The following SYT1 variants were observed in gnomAD, a reference collection of about 807,000 sequenced individuals.
SYT1 encodes the protein synaptotagmin 1.
A neutral mutation model predicts 44.8 loss-of-function variants in SYT1; 8 were observed. The observed-to-expected ratio is 0.18, with a 90% CI of 0.10 to 0.32. The LOEUF (loss-of-function observed/expected upper bound fraction) is 0.32, where lower values mean the gene tolerates loss of function less well. Ranked by LOEUF, SYT1 falls within the 10% of genes least tolerant of loss-of-function variation. The probability of loss-of-function intolerance (pLI) is 1.00; values close to 1 mark genes in which losing one functional copy is unlikely to be tolerated. For missense variants in SYT1, 286 were observed against 509.3 expected, an observed-to-expected ratio of 0.56 and a Z score of 4.22; for synonymous variants, 154 against 188.8, an observed-to-expected ratio of 0.82 and a Z score of 1.51.
chr12:78,943,548 G>T (rs1441944396), intron 1 of SYT1, among the ~76,000 whole-genome samples: 1 of 152,084 alleles, frequency 6.6e-6, no homozygotes, highest in Non-Finnish European at 1.5e-5. Context: ...CCATGATCTA[G>T]TCATCTCCCA....
At chr12:79,060,118 G>A (rs1327045323) in intron 3 of SYT1, among the ~76,000 whole-genome samples, 1 of 152,030 alleles carries the variant, frequency 6.6e-6, no homozygotes, top group African/African-American at 2.4e-5. Context: ...ACACAGCGAA[G>A]GTGCTCAATG....
intron 1 of SYT1, among the ~76,000 whole-genome samples, chr12:78,919,670 T>G (rs986292496): frequency 6.6e-6 from 1 of 152,052 alleles, no homozygotes; most frequent in African/African-American, 2.4e-5. Context: ...TGAAGGCATT[T>G]CTCATATTTT....
chr12:79,118,144 G>A (rs933538264), intron 3 of SYT1, among the ~76,000 whole-genome samples: 3 of 151,970 alleles, frequency 2.0e-5, no homozygotes, highest in Non-Finnish European at 4.4e-5. Context: ...TGTTTGACAA[G>A]ACCCTTTTTT....
chr12:78,900,636 A>G (rs1875610008), intron 1 of SYT1, among the ~76,000 whole-genome samples: 1 of 152,050 alleles, frequency 6.6e-6, no homozygotes. Context: ...GAACTGGAGG[A>G]AGGAAGTGGA....
intron 3 of SYT1, among the ~76,000 whole-genome samples, chr12:79,123,877 C>T (rs1224578777): frequency 1.3e-5 from 2 of 152,144 alleles, no homozygotes; most frequent in African/African-American, 2.4e-5. Flanking sequence ...AAGAGCTTTA[C>T]TCTTCCCCTT....
intron 9 of SYT1, among the ~76,000 whole-genome samples, chr12:79,396,155 A>G (rs1206677658): frequency 3.9e-5 from 6 of 152,194 alleles, no homozygotes; most frequent in Non-Finnish European, 7.3e-5. Context: ...AGGTCCAAAG[A>G]GTATGCTAAT....
chr12:79,132,024 G>A (rs1020203178), intron 3 of SYT1, among the ~76,000 whole-genome samples: 2 of 152,178 alleles, frequency 1.3e-5, no homozygotes, highest in Non-Finnish European at 2.9e-5. Flanking sequence ...CAATACCATG[G>A]AGTGTGGTTA....
At chr12:79,001,513 C>T (rs1376493198) in intron 2 of SYT1, among the ~76,000 whole-genome samples, 1 of 152,126 alleles carries the variant, frequency 6.6e-6, no homozygotes, top group Non-Finnish European at 1.5e-5. Context: ...AAAGATGTTA[C>T]ACTGCTCTCT....
chr12:78,966,095 T>A (rs956873728), intron 1 of SYT1, among the ~76,000 whole-genome samples: 10 of 150,108 alleles, frequency 6.7e-5, no homozygotes, highest in African/African-American at 2.2e-4. Context: ...AAAAAAAAAA[T>A]TATTGAATAA....
At chr12:79,015,263 T>A (rs1339191280) in intron 2 of SYT1, among the ~76,000 whole-genome samples, 1 of 152,118 alleles carries the variant, frequency 6.6e-6, no homozygotes, top group Non-Finnish European at 1.5e-5. Context: ...ACTTTGATAT[T>A]AAATGTAAGT....
At chr12:78,986,052 A>G (rs941347786) in intron 2 of SYT1, among the ~76,000 whole-genome samples, 1 of 152,020 alleles carries the variant, frequency 6.6e-6, no homozygotes, top group Non-Finnish European at 1.5e-5. Flanking sequence ...AACTGGTTTT[A>G]TCAGATTCCA....
chr12:78,954,418 T>C (rs1879112728), intron 1 of SYT1, among the ~76,000 whole-genome samples: 1 of 152,082 alleles, frequency 6.6e-6, no homozygotes. Context: ...GAATATATAG[T>C]AATTTTTTAA....
intron 3 of SYT1, among the ~76,000 whole-genome samples, chr12:79,060,682 A>G (rs1044242326): frequency 2.0e-5 from 3 of 152,258 alleles, no homozygotes; most frequent in African/African-American, 7.2e-5. Flanking sequence ...CATTGTATGT[A>G]TATATCACAT....
intron 2 of SYT1, among the ~76,000 whole-genome samples, chr12:79,023,478 C>A (rs1251252407): frequency 1.3e-5 from 2 of 151,734 alleles, no homozygotes; most frequent in Non-Finnish European, 2.9e-5. Flanking sequence ...TGACTCAGCC[C>A]TCAAATGGAG....
At chr12:79,123,029 A>G (rs1237523036) in intron 3 of SYT1, among the ~76,000 whole-genome samples, 1 of 152,200 alleles carries the variant, frequency 6.6e-6, no homozygotes, top group Non-Finnish European at 1.5e-5. Flanking sequence ...TGTGGAGACA[A>G]TTTCTACAGT....
At chr12:78,930,082 G>A (rs1877550846) in intron 1 of SYT1, among the ~76,000 whole-genome samples, 1 of 152,084 alleles carries the variant, frequency 6.6e-6, no homozygotes, top group African/African-American at 2.4e-5. Context: ...GGAGGAATAA[G>A]TTTTAGTAAT....
chr12:78,965,473 T>C (rs1192227498), intron 1 of SYT1, among the ~76,000 whole-genome samples: 1 of 152,222 alleles, frequency 6.6e-6, no homozygotes, highest in Non-Finnish European at 1.5e-5. Context: ...ATATATGATA[T>C]TTAAGTTCAA....
At chr12:79,179,373 G>GAT (rs1872276025) in intron 3 of SYT1, among the ~76,000 whole-genome samples, 1 of 44,406 alleles carries the variant, frequency 2.3e-5, no homozygotes, top group Admixed American at 2.3e-4. Flanking sequence ...TATAGATATA[G>GAT]ATATAGATAT....
At chr12:78,954,056 C>A (rs1046723151) in intron 1 of SYT1, among the ~76,000 whole-genome samples, 2 of 152,060 alleles carry the variant, frequency 1.3e-5, no homozygotes, top group South Asian at 2.1e-4. Context: ...CAGAGAGATA[C>A]TTTCTCTAGC....
Sources: allele counts gnomAD v4.1 joint callset (sites outside exome capture counted in the v4.1 genomes callset), GRCh38; gene constraint gnomAD v4.1.1; transcripts MANE v1.5; gene names NCBI Gene and HGNC (gene_info 2026-07-23, HGNC 2026-07-21).